Variants in HS2ST1 observed in about 807,000 individuals in gnomAD.
The protein encoded by HS2ST1 is 2-O-sulfotransferase.
Under a neutral mutation model 42.9 loss-of-function variants are expected in HS2ST1, and 18 were observed. That is an observed-to-expected ratio of 0.42 (90% CI 0.29 to 0.62). The LOEUF is 0.62. HS2ST1 is among the 20% of genes least tolerant of loss of function. HS2ST1 has a pLI of 0.21. For synonymous variants in HS2ST1, 146 were observed against 152.9 expected (o/e 0.95, Z 0.33); for missense variants, 334 against 433.8 (o/e 0.77, Z 2.04).
chr1:87,078,967 G>A (rs1308581658), intron 2 of HS2ST1, among the ~76,000 whole-genome samples: 2 of 151,982 alleles, frequency 1.3e-5, no homozygotes, highest in African/African-American at 2.4e-5. Context: ...GAGAACTAAG[G>A]ATAAATATTA....
At chr1:86,928,033 G>A (rs985417921) in intron 1 of HS2ST1, among the ~76,000 whole-genome samples, 2 of 152,020 alleles carry the variant, frequency 1.3e-5, no homozygotes, top group South Asian at 4.1e-4. Context: ...TTTGTTAATA[G>A]TAACTTAAAA....
chr1:86,968,925 A>C (rs866458982), intron 1 of HS2ST1, among the ~76,000 whole-genome samples: 4 of 152,210 alleles, frequency 2.6e-5, no homozygotes, highest in South Asian at 4.1e-4. Context: ...CATTAGTACC[A>C]TTCAGCTGAG....
chr1:86,968,804 G>A (rs1284935868), intron 1 of HS2ST1, among the ~76,000 whole-genome samples: 1 of 152,028 alleles, frequency 6.6e-6, no homozygotes, highest in African/African-American at 2.4e-5. Flanking sequence ...GCTTCATGCT[G>A]CTAGATTTAA....
At chr1:87,101,467 G>C (rs980799222) in intron 5 of HS2ST1, among the ~76,000 whole-genome samples, 2 of 151,882 alleles carry the variant, frequency 1.3e-5, no homozygotes, top group African/African-American at 4.8e-5. Flanking sequence ...CACCCGACCA[G>C]TCATCACTCT....
chr1:86,973,208 T>A (rs1013442220), intron 1 of HS2ST1, among the ~76,000 whole-genome samples: 1 of 150,890 alleles, frequency 6.6e-6, no homozygotes, highest in Non-Finnish European at 1.5e-5. Flanking sequence ...TTTTAATTTG[T>A]GTAAATTTAT....
intron 1 of HS2ST1, among the ~76,000 whole-genome samples, chr1:87,071,556 G>A (rs535880238): frequency 2.0e-5 from 3 of 151,876 alleles, no homozygotes; most frequent in East Asian, 1.9e-4. Flanking sequence ...TGGTGAAACC[G>A]TGTCTCTACT....
intron 1 of HS2ST1, among the ~76,000 whole-genome samples, chr1:87,014,591 C>T (rs1032516524): frequency 6.6e-6 from 1 of 152,068 alleles, no homozygotes; most frequent in African/African-American, 2.4e-5. Context: ...TAATGTTAAA[C>T]AAACAAACAA....
intron 1 of HS2ST1, among the ~76,000 whole-genome samples, chr1:86,941,570 A>G (rs1570435239): frequency 6.6e-6 from 1 of 152,008 alleles, no homozygotes; most frequent in Non-Finnish European, 1.5e-5. Context: ...TCAGGAGTTG[A>G]AGACCAGCCT....
intron 2 of HS2ST1, among the ~76,000 whole-genome samples, chr1:87,077,806 A>G (rs548138910): frequency 4.7e-4 from 72 of 152,328 alleles, no homozygotes; most frequent in African/African-American, 1.6e-3. Flanking sequence ...GATAATAATT[A>G]CTGGCAGAGT....
At chr1:86,948,939 G>A (rs770371234) in intron 1 of HS2ST1, among the ~76,000 whole-genome samples, 4 of 152,158 alleles carry the variant, frequency 2.6e-5, no homozygotes, top group Admixed American at 6.5e-5. Context: ...GCTTAAATGA[G>A]AGTCTGTGTA....
chr1:87,062,427 G>A (rs1651140530), intron 1 of HS2ST1, among the ~76,000 whole-genome samples: 1 of 151,832 alleles, frequency 6.6e-6, no homozygotes, highest in African/African-American at 2.4e-5. Flanking sequence ...ACCAATTCAG[G>A]TGAAGTATAG....
At chr1:86,950,180 G>C (rs1429698317) in intron 1 of HS2ST1, among the ~76,000 whole-genome samples, 1 of 152,160 alleles carries the variant, frequency 6.6e-6, no homozygotes, top group Non-Finnish European at 1.5e-5. Flanking sequence ...TCCTTGATAT[G>C]GTGCGCTGAG....
intron 1 of HS2ST1, among the ~76,000 whole-genome samples, chr1:86,930,196 A>G (rs1056728240): frequency 1.3e-5 from 2 of 151,858 alleles, no homozygotes; most frequent in African/African-American, 4.8e-5. Flanking sequence ...TGTTGTGTAC[A>G]ATTTGAAGAG....
rs1210538574 is a variant in HS2ST1 at position 87,004,381 on chromosome 1, ACT to A, written c.125-68550_125-68549del. On this transcript the variant is annotated intron_variant, in intron 1 of 6. Coordinates refer to ENST00000370550, the MANE Select transcript of HS2ST1 (RefSeq NM_012262.4). ...GCTCCAGCCTGGGCGATGGAGGGAG[ACT>A]CTGTCTCAAAACAAATGAACAAATA... 3.9e-5 allele frequency among the ~76,000 whole-genome samples: 6 copies of A among 152,180 alleles called. No individual in the cohort carries two copies. In the East Asian group the frequency reaches 7.7e-4, roughly 20 times the overall value.
intron 1 of HS2ST1, among the ~76,000 whole-genome samples, chr1:86,941,531 G>A (rs1030123345): frequency 1.3e-5 from 2 of 152,058 alleles, no homozygotes; most frequent in African/African-American, 4.8e-5. Context: ...CAGCACTTTG[G>A]GAGGCTGAGG....
chr1:87,038,325 T>G (rs1033571873), intron 1 of HS2ST1, among the ~76,000 whole-genome samples: 1 of 152,116 alleles, frequency 6.6e-6, no homozygotes, highest in African/African-American at 2.4e-5. Flanking sequence ...CATATTTAAC[T>G]GTGTCAATAC....
intron 1 of HS2ST1, among the ~76,000 whole-genome samples, chr1:86,964,866 A>G (rs1038341131): frequency 4.6e-5 from 7 of 152,200 alleles, no homozygotes; most frequent in Non-Finnish European, 1.0e-4. Flanking sequence ...TAATGTTAGT[A>G]ATAGTAGATA....
chr1:87,055,775 T>G (rs753381809), intron 1 of HS2ST1, among the ~76,000 whole-genome samples: 2 of 152,220 alleles, frequency 1.3e-5, no homozygotes, highest in African/African-American at 2.4e-5. Context: ...GGTACCAAAC[T>G]GTACTAGTAG....
chr1:86,955,832 A>G (rs570976453), intron 1 of HS2ST1, among the ~76,000 whole-genome samples: 2 of 152,182 alleles, frequency 1.3e-5, no homozygotes, highest in South Asian at 2.1e-4. Context: ...CAAAAATACA[A>G]TAAATTATAC....
Sources: allele counts gnomAD v4.1 joint callset (sites outside exome capture counted in the v4.1 genomes callset), GRCh38; gene constraint gnomAD v4.1.1; transcripts MANE v1.5; gene names NCBI Gene and HGNC (gene_info 2026-07-23, HGNC 2026-07-21).